The following CCNH variants were observed in gnomAD, a reference collection of about 807,000 sequenced individuals.
The protein encoded by CCNH is cyclin H.
Under a neutral mutation model 41.9 loss-of-function variants are expected in CCNH, and 31 were observed. That is an observed-to-expected ratio of 0.74 (90% CI 0.56 to 1.00). CCNH has a LOEUF of 1.00. Among genes scored for constraint, CCNH ranks in the 50% least tolerant of loss-of-function variants. CCNH has a pLI of 0.00. For synonymous variants in CCNH, 138 were observed against 136.1 expected (o/e 1.01, Z -0.10); for missense variants, 362 against 388.4 (o/e 0.93, Z 0.57).
intron 9 of CCNH, among the ~76,000 whole-genome samples, chr5:87,340,135 T>C (rs992554149): frequency 1.3e-5 from 2 of 152,158 alleles, no homozygotes; most frequent in Non-Finnish European, 2.9e-5. Context: ...AATGTTTCTA[T>C]GTTTATAGTT....
upstream of CCNH, chr5:87,379,809 G>A (rs1055788467): frequency 6.2e-7 from 1 of 1,612,908 alleles, no homozygotes. Flanking sequence ...TACTTTCAGA[G>A]CTTGTGGAGA....
chr5:87,338,536 A>ATTTTT lies in CCNH; in HGVS notation c.*91-19644_*91-19640dup, dbSNP rs1232583853. ...ATATATATATATATATATATATAAA[A>ATTTTT]TTTTTTTTTTTTTTAAGTAGAAATG... is the stretch of plus-strand genomic sequence containing the variant. On this transcript the variant is annotated intron_variant and NMD_transcript_variant, in intron 9 of 9. Transcript: ENST00000645953. Among the ~76,000 whole-genome samples, 79 of 85,214 alleles carry ATTTTT rather than the reference A, an allele frequency of 9.3e-4. 2 individuals carry two copies. Among genetic ancestry groups the ATTTTT allele is most frequent in the Admixed American group, 1.7e-3 (13 of 7,720 alleles). 55.9% of individuals were successfully genotyped at this position (85,214 alleles called of 152,430 possible).
At chr5:87,382,944 A>T (rs79490529) in intron 9 of CCNH, among the ~76,000 whole-genome samples, 1 of 150,952 alleles carries the variant, frequency 6.6e-6, no homozygotes, top group South Asian at 2.1e-4. Flanking sequence ...AAAAAAAAAA[A>T]TTGCCAGGTA....
chr5:87,378,529 G>C, upstream of CCNH: 1 of 1,608,050 alleles, frequency 6.2e-7, no homozygotes, highest in Non-Finnish European at 8.5e-7. Flanking sequence ...AAAGCAAGCA[G>C]TCTTGTGAGG....
At chr5:87,404,068 A>C (rs951132310) in intron 5 of CCNH, among the ~76,000 whole-genome samples, 4 of 152,188 alleles carry the variant, frequency 2.6e-5, no homozygotes, top group African/African-American at 9.6e-5. Context: ...TAAACCTACA[A>C]TCCCTTATCC....
intron 9 of CCNH, among the ~76,000 whole-genome samples, chr5:87,384,077 T>TGCAGCTTGGCTTTTTCAAGTTGG (rs1761909727): frequency 6.6e-6 from 1 of 152,166 alleles, no homozygotes; most frequent in Non-Finnish European, 1.5e-5. Context: ...TCTTGTAGTC[T>TGCAGCTTGGCTTTTTCAAGTTGG]GCAGCTTGGC....
Position 87,412,790 on chromosome 5 carries a change from T to A in CCNH, c.5A>T (p.Tyr2Phe), listed in dbSNP as rs1249853544. 6.2e-7 allele frequency: 1 copy of A among 1,614,024 alleles called. No homozygotes were observed. The highest frequency in any genetic ancestry group is 8.5e-7 in the Non-Finnish European group (1 of 1,179,918). M[Y>F]HNSSQKRHWT... Reference sequence around the variant, plus strand: ...GTGCCGCTTCTGACTACTGTTGTGGTACATTATGGAATCGTGACCAGGTCC... The same window carrying A: ...GTGCCGCTTCTGACTACTGTTGTGGAACATTATGGAATCGTGACCAGGTCC... Residue 2 changes from tyrosine (Y) to phenylalanine (F), a missense_variant, in exon 1 of 9, where the codon TAC becomes TTC. Coordinates refer to ENST00000256897, the MANE Select transcript of CCNH (RefSeq NM_001239.4).
intron 9 of CCNH, among the ~76,000 whole-genome samples, chr5:87,345,090 T>C (rs1758755270): frequency 6.6e-6 from 1 of 152,082 alleles, no homozygotes; most frequent in Non-Finnish European, 1.5e-5. Context: ...CCTCCTGCCT[T>C]GGCCTCCGAA....
At chr5:87,385,533 G>A in intron 9 of CCNH, 2 of 694,016 alleles carry the variant, frequency 2.9e-6, no homozygotes, top group Non-Finnish European at 4.9e-6. Flanking sequence ...TGTTTTTAAA[G>A]TAGCTTGTTT....
downstream of CCNH, chr5:87,372,263 A>C (rs1761003895): frequency 1.4e-6 from 2 of 1,430,644 alleles, no homozygotes; most frequent in Non-Finnish European, 2.0e-6. Context: ...TTTTTATTTT[A>C]TTTTTATCTG....
upstream of CCNH, among the ~76,000 whole-genome samples, chr5:87,381,328 T>C (rs985067611): frequency 3.3e-5 from 5 of 152,222 alleles, no homozygotes; most frequent in African/African-American, 9.6e-5. Flanking sequence ...TTGAGTCTTA[T>C]TGTAGGCTTT....
intron 9 of CCNH, among the ~76,000 whole-genome samples, chr5:87,352,551 AT>A (rs529898652): frequency 7.0e-4 from 106 of 151,838 alleles, no homozygotes; most frequent in African/African-American, 1.9e-3. Flanking sequence ...ATGTCATTTT[AT>A]TTTTTTGTAA....
chr5:87,329,481 A>T (rs1202489184), intron 9 of CCNH, among the ~76,000 whole-genome samples: 1 of 152,046 alleles, frequency 6.6e-6, no homozygotes, highest in Non-Finnish European at 1.5e-5. Flanking sequence ...AACCACAAAT[A>T]AACATATATA....
intron 8 of CCNH, chr5:87,394,693 C>T: frequency 7.4e-7 from 1 of 1,343,220 alleles, no homozygotes. Flanking sequence ...ATGGCTGTGA[C>T]CTTTTGCCTC....
intron 8 of CCNH, 98 bp from the exon 9 acceptor site, chr5:87,394,582 C>G: frequency 6.4e-7 from 1 of 1,571,902 alleles, no homozygotes; most frequent in Non-Finnish European, 8.6e-7. Flanking sequence ...CTCCTTTTAC[C>G]CATGTGGATT....
At chr5:87,332,472 A>G (rs1580282459) in intron 9 of CCNH, 1 of 1,574,880 alleles carries the variant, frequency 6.3e-7, no homozygotes. Flanking sequence ...GGCTGTAAAG[A>G]TTTTTTTATA....
chr5:87,330,995 A>T, intron 9 of CCNH: 2 of 1,416,002 alleles, frequency 1.4e-6, no homozygotes, highest in Non-Finnish European at 1.9e-6. Flanking sequence ...TAGTAAATTA[A>T]TCATTTCCAT....
chr5:87,317,561 A>G (rs1756432845), downstream of CCNH, among the ~76,000 whole-genome samples: 1 of 150,290 alleles, frequency 6.7e-6, no homozygotes, highest in Non-Finnish European at 1.5e-5. Flanking sequence ...TTGTGTTTCC[A>G]CCTATCTTTT....
chr5:87,325,395 T>C (rs935612685), intron 9 of CCNH, among the ~76,000 whole-genome samples: 1 of 152,208 alleles, frequency 6.6e-6, no homozygotes, highest in Non-Finnish European at 1.5e-5. Context: ...CAAATAAATA[T>C]GGGAGCTTAA....
Sources: gnomAD v4.1 joint callset for allele counts (sites outside exome capture counted in the v4.1 genomes callset) on GRCh38, gnomAD v4.1.1 for gene constraint, MANE v1.5 for transcripts, NCBI Gene and HGNC (gene_info 2026-07-23, HGNC 2026-07-21) for gene names.